Variants in TASP1 observed in about 807,000 individuals in gnomAD.
TASP1 encodes the protein threonine aspartase 1.
A neutral mutation model predicts 56.6 loss-of-function variants in TASP1; 16 were observed. The observed-to-expected ratio is 0.28, with a 90% confidence interval of 0.19 to 0.43. The LOEUF is 0.43. Ranked by LOEUF, TASP1 falls within the 20% of genes least tolerant of loss-of-function variation. The pLI, the probability that TASP1 is intolerant of heterozygous loss-of-function variation, is 1.00. For missense variants in TASP1, 393 were observed against 511.6 expected (o/e 0.77, Z 2.24); for synonymous variants, 179 against 184.2 (o/e 0.97, Z 0.23).
At chr20:13,636,140 C>CTTT (rs36048272) in intron 1 of TASP1, among the ~76,000 whole-genome samples, 93 of 98,016 alleles carry the variant, frequency 9.5e-4, no homozygotes, top group Non-Finnish European at 1.4e-3. Flanking sequence ...TGTGTTGTTG[C>CTTT]TTTTTTTTTT....
the TASP1 span, among the ~76,000 whole-genome samples, chr20:13,357,544 G>A: frequency 8.1e-3 from 1,237 of 152,240 alleles, 17 homozygotes; most frequent in African/African-American, 0.027. Context: ...AGAAGGGGAC[G>A]TGATAAAAAT....
chr20:13,191,169 A>T, the TASP1 span, among the ~76,000 whole-genome samples: 1 of 152,322 alleles, frequency 6.6e-6, no homozygotes, highest in Admixed American at 6.5e-5. Flanking sequence ...CCATTAAAAC[A>T]AAACAGTATA....
chr20:13,191,647 G>A, the TASP1 span, among the ~76,000 whole-genome samples: 1 of 152,148 alleles, frequency 6.6e-6, no homozygotes, highest in Non-Finnish European at 1.5e-5. Flanking sequence ...ACAGTTAGAT[G>A]AGAGGAATAA....
chr20:13,488,524 G>A (rs537876155), intron 10 of TASP1, among the ~76,000 whole-genome samples: 4 of 152,160 alleles, frequency 2.6e-5, no homozygotes, highest in African/African-American at 9.6e-5. Context: ...GACATGTAAC[G>A]ACAAATTCAT....
the TASP1 span, among the ~76,000 whole-genome samples, chr20:13,371,816 G>A: frequency 6.6e-6 from 1 of 152,036 alleles, no homozygotes; most frequent in African/African-American, 2.4e-5. Flanking sequence ...TGTATTTTGG[G>A]ATTCTGCTGT....
the TASP1 span, among the ~76,000 whole-genome samples, chr20:13,173,879 G>A: frequency 3.9e-5 from 6 of 152,240 alleles, no homozygotes; most frequent in Admixed American, 2.6e-4. Context: ...GAAAAAATAT[G>A]GTGCACTTTA....
Position 13,580,980 on chromosome 20 carries a change from T to C in TASP1, c.405A>G (p.Gly135=). The change falls in exon 6 of 14, where the codon GGA becomes GGG. Residue 135 remains glycine (G), a splice_region_variant and synonymous_variant. Coordinates refer to ENST00000337743, the MANE Select transcript of TASP1 (RefSeq NM_017714.3). ...TGGCAACCGAGACTGGGTTCTTGAT[T>C]CCTATAAAAAAAAAAAAAAAATTGG... ...LNFGAVGALS[G]IKNPVSVANR... is the part of the protein sequence containing the mutation. The C allele has an allele frequency of 1.9e-6, 3 of 1,569,790 alleles. No individual in the cohort carries two copies. The highest frequency in any genetic ancestry group is 2.6e-6 in the Non-Finnish European group (3 of 1,158,606).
intron 13 of TASP1, among the ~76,000 whole-genome samples, chr20:13,399,201 A>T (rs1277898476): frequency 6.6e-6 from 1 of 152,184 alleles, no homozygotes; most frequent in Admixed American, 6.5e-5. Flanking sequence ...TCCCCAACTT[A>T]TAAGTACAAA....
chr20:13,502,351 TA>T (rs1399142990), intron 10 of TASP1, among the ~76,000 whole-genome samples: 7 of 152,208 alleles, frequency 4.6e-5, no homozygotes, highest in African/African-American at 1.7e-4. Context: ...CTCTGGCCTA[TA>T]GTCACACAAT....
At chr20:13,292,161 TG>T in the TASP1 span, among the ~76,000 whole-genome samples, 1 of 152,254 alleles carries the variant, frequency 6.6e-6, no homozygotes, top group Non-Finnish European at 1.5e-5. Flanking sequence ...CATTTGGATC[TG>T]ATTTCACGTT....
intron 11 of TASP1, among the ~76,000 whole-genome samples, chr20:13,482,684 C>G (rs145462097): frequency 3.3e-5 from 5 of 152,254 alleles, no homozygotes; most frequent in African/African-American, 1.2e-4. Context: ...CATTAACATT[C>G]TGAGAATGCA....
intron 5 of TASP1, among the ~76,000 whole-genome samples, chr20:13,584,138 T>C (rs576775068): frequency 6.6e-6 from 1 of 152,312 alleles, no homozygotes; most frequent in South Asian, 2.1e-4. Flanking sequence ...GCCTACGGTA[T>C]TACTGTCATT....
the TASP1 span, among the ~76,000 whole-genome samples, chr20:13,263,350 C>A: frequency 9.2e-3 from 1,396 of 151,972 alleles, 29 homozygotes; most frequent in African/African-American, 0.03. Flanking sequence ...CCACCCCCTG[C>A]TTCCACTCCT....
chr20:13,564,548 C>A (rs1350243741), intron 7 of TASP1, among the ~76,000 whole-genome samples: 1 of 150,470 alleles, frequency 6.6e-6, no homozygotes, highest in Non-Finnish European at 1.5e-5. Flanking sequence ...TAACAAAATC[C>A]CAATAGTGTT....
the TASP1 span, among the ~76,000 whole-genome samples, chr20:13,379,545 C>G: frequency 6.6e-6 from 1 of 151,946 alleles, no homozygotes; most frequent in South Asian, 2.1e-4. Flanking sequence ...ATCTGACAAA[C>G]ATGCGTCTCG....
At chr20:13,473,502 T>TA (rs1197405092) in intron 11 of TASP1, among the ~76,000 whole-genome samples, 5 of 152,054 alleles carry the variant, frequency 3.3e-5, no homozygotes, top group South Asian at 2.1e-4. Flanking sequence ...TAATATATCT[T>TA]AAAAAAACTC....
downstream of TASP1, among the ~76,000 whole-genome samples, chr20:13,388,341 G>A (rs1436185816): frequency 1.3e-5 from 2 of 151,588 alleles, no homozygotes; most frequent in Non-Finnish European, 2.9e-5. Context: ...TTACATTTTT[G>A]CCTCCATGAT....
At chr20:13,520,224 TC>T (rs1304663016) in intron 10 of TASP1, among the ~76,000 whole-genome samples, 1 of 152,130 alleles carries the variant, frequency 6.6e-6, no homozygotes, top group Non-Finnish European at 1.5e-5. Flanking sequence ...TTCAATGCCA[TC>T]CCCATCAAGC....
intron 12 of TASP1, among the ~76,000 whole-genome samples, chr20:13,423,800 C>T (rs2042527589): frequency 6.6e-6 from 1 of 152,106 alleles, no homozygotes; most frequent in Non-Finnish European, 1.5e-5. Flanking sequence ...CTCTAAAAAT[C>T]TTGATTACCC....
Sources: allele counts gnomAD v4.1 joint callset (sites outside exome capture counted in the v4.1 genomes callset), GRCh38; gene constraint gnomAD v4.1.1; transcripts MANE v1.5; gene names NCBI Gene and HGNC (gene_info 2026-07-23, HGNC 2026-07-21).